The following KLHL7 variants were observed in gnomAD, a reference collection of about 807,000 sequenced individuals.
KLHL7 encodes kelch-like protein 7.
A neutral mutation model predicts 67.4 loss-of-function variants in KLHL7; 44 were observed. The observed-to-expected ratio is 0.65, with a 90% CI of 0.51 to 0.84. The LOEUF is 0.84. KLHL7 is among the 40% of genes least tolerant of loss of function. The pLI, the probability that KLHL7 is intolerant of heterozygous loss-of-function variation, is 0.00. For synonymous variants in KLHL7, 252 were observed against 243.3 expected (o/e 1.04, Z -0.33); for missense variants, 362 against 718.1 (o/e 0.50, Z 5.67).
chr7:23,111,820 CAAAAAAAAA>C (rs895981894), intron 1 of KLHL7, among the ~76,000 whole-genome samples: 3 of 23,234 alleles, frequency 1.3e-4, no homozygotes, highest in African/African-American at 2.5e-4. Flanking sequence ...GACTCCGTCT[CAAAAAAAAA>C]AAAAAAAAAA....
chr7:23,150,686 C>T (rs1784504014), intron 6 of KLHL7, among the ~76,000 whole-genome samples: 1 of 152,134 alleles, frequency 6.6e-6, no homozygotes, highest in African/African-American at 2.4e-5. Flanking sequence ...GTAGATTGGG[C>T]TATATCACCC....
chr7:23,113,390 A>G (rs913405371), intron 1 of KLHL7, among the ~76,000 whole-genome samples: 1 of 152,202 alleles, frequency 6.6e-6, no homozygotes, highest in Non-Finnish European at 1.5e-5. Flanking sequence ...TTAACTTTCA[A>G]TCCCATGGAA....
intron 9 of KLHL7, among the ~76,000 whole-genome samples, chr7:23,170,907 C>CTTTTTTTTT (rs34932759): frequency 7.5e-6 from 1 of 132,938 alleles, no homozygotes. Flanking sequence ...TAAGAAATGA[C>CTTTTTTTTT]TTTTTTTTTT....
chr7:23,163,540 A>T (rs1784911975), intron 7 of KLHL7, among the ~76,000 whole-genome samples: 1 of 152,218 alleles, frequency 6.6e-6, no homozygotes, highest in South Asian at 2.1e-4. Context: ...ATAGGGCAAG[A>T]TACAATGGAG....
chr7:23,116,438 C>T lies in KLHL7; in HGVS notation c.121-7339C>T, dbSNP rs145219974. ...CTATTTGTGTCAAAATGGGCTATGTCTCTAGTGTTGCATTTTCCTCTGTGG... is the reference window on the plus strand; with the variant it reads ...CTATTTGTGTCAAAATGGGCTATGTTTCTAGTGTTGCATTTTCCTCTGTGG... On this transcript the variant is annotated intron_variant, in intron 1 of 10. Transcript: ENST00000339077. Among the ~76,000 whole-genome samples, 202 of 152,328 alleles carry T rather than the reference C, an allele frequency of 1.3e-3. 1 individual carries two copies. The highest frequency in any genetic ancestry group is 3.4e-3 in the Middle Eastern group (1 of 294).
At position 23,140,563 on chromosome 7, in the gene KLHL7, CAAAA is replaced by C. The variant is rs530236484; in HGVS notation, c.443-202_443-199del. ...TGGAGCGAGACTCCGTCTCAAAAAACAAAAAAACAAAAAACAAAAAAAAAACCAG... is the reference window on the plus strand; with the variant it reads ...TGGAGCGAGACTCCGTCTCAAAAAACAAACAAAAAACAAAAAAAAAACCAG... On this transcript the variant is annotated intron_variant, in intron 4 of 10. Transcript: ENST00000339077. The C allele has an allele frequency of 3.4e-3, 2,045 of 596,134 alleles. 10 individuals carry two copies. The highest frequency in any genetic ancestry group is 4.7e-3 in the Admixed American group (180 of 38,534). 36.9% of individuals were successfully genotyped at this position (596,134 alleles called of 1,614,324 possible). A position where few individuals can be genotyped will look rare whatever the true frequency, so the allele number is the denominator to read the frequency against.
At chr7:23,123,215 T>G (rs1408505360) in intron 1 of KLHL7, among the ~76,000 whole-genome samples, 1 of 152,212 alleles carries the variant, frequency 6.6e-6, no homozygotes, top group African/African-American at 2.4e-5. Context: ...AGAAGTGTTA[T>G]TTAATAAAAG....
chr7:23,113,560 G>T (rs1469447267), intron 1 of KLHL7, among the ~76,000 whole-genome samples: 3 of 152,150 alleles, frequency 2.0e-5, no homozygotes, highest in African/African-American at 7.2e-5. Flanking sequence ...GCCGGGCACA[G>T]TGGCTTACGC....
At chr7:23,112,505 G>A (rs1262021949) in intron 1 of KLHL7, among the ~76,000 whole-genome samples, 1 of 152,166 alleles carries the variant, frequency 6.6e-6, no homozygotes, top group Non-Finnish European at 1.5e-5. Context: ...GGCCTATGGA[G>A]GAGATAACAA....
intron 9 of KLHL7, among the ~76,000 whole-genome samples, chr7:23,170,872 GAC>G (rs1221768561): frequency 6.6e-6 from 1 of 150,854 alleles, no homozygotes; most frequent in Non-Finnish European, 1.5e-5. Flanking sequence ...GAAACAATGT[GAC>G]ACAGTTTGAG....
At chr7:23,144,148 G>A in intron 6 of KLHL7, 123 bp downstream of exon 6, 1 of 843,762 alleles carries the variant, frequency 1.2e-6, no homozygotes, top group Non-Finnish European at 1.9e-6. Context: ...TGCTCTTCTA[G>A]ATAGTTAATC....
intron 1 of KLHL7, among the ~76,000 whole-genome samples, chr7:23,116,084 C>G (rs1419911983): frequency 6.6e-6 from 1 of 152,228 alleles, no homozygotes; most frequent in South Asian, 2.1e-4. Flanking sequence ...TTGTAGCCAG[C>G]AGTTCTGCAG....
At chr7:23,161,807 T>C (rs549919993) in intron 7 of KLHL7, among the ~76,000 whole-genome samples, 2 of 152,226 alleles carry the variant, frequency 1.3e-5, no homozygotes, top group Admixed American at 1.3e-4. Context: ...GTGGCCCTAA[T>C]GGATGATATA....
At chr7:23,107,607 C>T (rs940829557) in intron 1 of KLHL7, among the ~76,000 whole-genome samples, 5 of 152,178 alleles carry the variant, frequency 3.3e-5, no homozygotes, top group African/African-American at 1.2e-4. Context: ...TAAAAAGTGA[C>T]TCACATTTCT....
In KLHL7 at chr7:23,156,240, T is replaced by C. The variant is rs560014898; in HGVS notation, c.936+4031T>C. 13 of 188,740 alleles carry C rather than the reference T, an allele frequency of 6.9e-5. No individual in the cohort carries two copies. The South Asian group carries it at 9.8e-4, about 14-fold the overall frequency. The allele number at this position is 188,740 out of a possible 1,614,324, so 11.7% of individuals were successfully genotyped here. On this transcript the variant is annotated intron_variant, in intron 7 of 10. Coordinates refer to ENST00000339077, the MANE Select transcript of KLHL7 (RefSeq NM_001031710.3). ...GTATTTATTGATGACTAAAAAGTTA[T>C]AGCAAAGAAAAATCTTTTTTCTGAA...
chr7:23,144,706 T>C (rs750713862), intron 6 of KLHL7, among the ~76,000 whole-genome samples: 1 of 152,222 alleles, frequency 6.6e-6, no homozygotes, highest in Non-Finnish European at 1.5e-5. Flanking sequence ...TAATTCTTTT[T>C]GTTTGATGCA....
chr7:23,106,290 G>A (rs528164850), intron 1 of KLHL7, 144 bp downstream of exon 1: 4 of 1,519,052 alleles, frequency 2.6e-6, no homozygotes, highest in East Asian at 5.0e-5. Flanking sequence ...GCAGGCGAGC[G>A]ATTCCGCAGT....
chr7:23,145,956 T>C (rs1056576662), intron 6 of KLHL7, among the ~76,000 whole-genome samples: 1 of 152,182 alleles, frequency 6.6e-6, no homozygotes, highest in Non-Finnish European at 1.5e-5. Context: ...GGTCTCAAAC[T>C]TCTGGGCTCA....
At chr7:23,155,981 T>TA (rs942015006) in intron 7 of KLHL7, 3 of 462,530 alleles carry the variant, frequency 6.5e-6, no homozygotes, top group African/African-American at 4.0e-5. Context: ...GATTTTTTTT[T>TA]ATTGGACAGT....
Sources: allele counts gnomAD v4.1 joint callset (sites outside exome capture counted in the v4.1 genomes callset), GRCh38; gene constraint gnomAD v4.1.1; transcripts MANE v1.5; gene names NCBI Gene and HGNC (gene_info 2026-07-23, HGNC 2026-07-21).